ROBO2: variants seen among roughly 807,000 people sequenced by gnomAD.
ROBO2 encodes the protein roundabout homolog 2.
In ROBO2, 53 loss-of-function variants were observed where a neutral mutation model predicts 160.8. The ratio of observed to expected loss-of-function variants is 0.33; its 90% confidence interval spans 0.26 to 0.41. The LOEUF (loss-of-function observed/expected upper bound fraction) is 0.41. ROBO2 is among the 10% of genes least tolerant of loss of function. The probability of loss-of-function intolerance (pLI) is 1.00; values close to 1 mark genes in which losing one functional copy is unlikely to be tolerated. For missense variants in ROBO2, 1,577 were observed against 1,722.4 expected, an observed-to-expected ratio of 0.92 and a Z score of 1.49; for synonymous variants, 664 against 611.7, an observed-to-expected ratio of 1.09 and a Z score of -1.26.
chr3:76,170,891 A>C lies in ROBO2; in HGVS notation c.109+233289A>C, dbSNP rs2073015143. ...GAACAATTAGTATGTGGCTATTCTA[A>C]AATTAAATGTTCTACACTAATACAG... On this transcript the variant is annotated intron_variant, in intron 2 of 26. Transcript: ENST00000487694. Among the ~76,000 whole-genome samples the C allele has an allele frequency of 3.3e-5, 5 of 152,292 alleles. No homozygotes were observed. In the South Asian group the frequency reaches 6.2e-4, roughly 19 times the overall value.
rs147082633 is a variant in ROBO2 at position 76,195,639 on chromosome 3, G to T, written c.109+258037G>T. ...TAATAGGCACATAAAGGATGAAGGG[G>T]ATGCTTAGTAGATACACACATGAAA... On this transcript the variant is annotated intron_variant, in intron 2 of 26. Coordinates refer to the ROBO2 transcript ENST00000487694. Among the ~76,000 whole-genome samples, 646 of 152,244 alleles carry T rather than the reference G, an allele frequency of 4.2e-3. 3 individuals are homozygous for T. The highest frequency in any genetic ancestry group is 0.015 in the African/African-American group (619 of 41,542).
intron 7 of ROBO2, among the ~76,000 whole-genome samples, chr3:77,546,805 A>G (rs545706091): frequency 6.6e-6 from 1 of 152,222 alleles, no homozygotes; most frequent in South Asian, 2.1e-4. Flanking sequence ...GTGGTGTGAT[A>G]GAGTCAGGAC....
chr3:76,355,231 T>A (rs2075093323), intron 2 of ROBO2, among the ~76,000 whole-genome samples: 1 of 151,826 alleles, frequency 6.6e-6, no homozygotes, highest in Non-Finnish European at 1.5e-5. Flanking sequence ...GCAGATAATG[T>A]ATCTTCTGTT....
chr3:76,454,764 G>A lies in ROBO2; in HGVS notation c.109+517162G>A, dbSNP rs186891212. Among the ~76,000 whole-genome samples the A allele has an allele frequency of 1.3e-3, 200 of 152,134 alleles. 3 individuals are homozygous for A. Among genetic ancestry groups the A allele is most frequent in the Middle Eastern group, 6.8e-3 (2 of 294 alleles). On this transcript the variant is annotated intron_variant, in intron 2 of 26. Transcript: ENST00000487694. Reference sequence around the variant, plus strand: ...AAAAAGCCTTTTATCACTATGACAAGAGATGATCAACAATTTAGGAATATC... The same window carrying A: ...AAAAAGCCTTTTATCACTATGACAAAAGATGATCAACAATTTAGGAATATC...
chr3:76,520,106 C>T (rs1199385395), intron 2 of ROBO2, among the ~76,000 whole-genome samples: 6 of 152,128 alleles, frequency 3.9e-5, no homozygotes, highest in African/African-American at 1.2e-4. Flanking sequence ...TTCTCTATTA[C>T]ACGTTCCAAT....
At chr3:76,770,445 G>GCA (rs2061830568) in intron 2 of ROBO2, among the ~76,000 whole-genome samples, 1 of 151,100 alleles carries the variant, frequency 6.6e-6, no homozygotes, top group African/African-American at 2.4e-5. Context: ...GAAACACCTG[G>GCA]CACACTTCCA....
chr3:76,711,920 A>ATCTCTAACATGGCATTAATTCATT (rs1202627373), intron 2 of ROBO2, among the ~76,000 whole-genome samples: 7 of 152,196 alleles, frequency 4.6e-5, no homozygotes, highest in Non-Finnish European at 8.8e-5. Flanking sequence ...CCTTGTTCAT[A>ATCTCTAACATGGCATTAATTCATT]TCTCTAACAT....
At chr3:76,176,274 T>A (rs2073227698) in intron 2 of ROBO2, among the ~76,000 whole-genome samples, 1 of 152,152 alleles carries the variant, frequency 6.6e-6, no homozygotes, top group Non-Finnish European at 1.5e-5. Flanking sequence ...TTGCAATGTG[T>A]TTCATACTCT....
intron 2 of ROBO2, among the ~76,000 whole-genome samples, chr3:76,557,524 T>C (rs949960862): frequency 3.3e-5 from 5 of 151,808 alleles, no homozygotes; most frequent in African/African-American, 1.2e-4. Flanking sequence ...GTTAGTTAAA[T>C]TGTGCCTCAG....
At chr3:76,081,598 A>G (rs1377861229) in intron 2 of ROBO2, among the ~76,000 whole-genome samples, 1 of 152,126 alleles carries the variant, frequency 6.6e-6, no homozygotes, top group Non-Finnish European at 1.5e-5. Flanking sequence ...CACTTTAGAT[A>G]TGTTTCACTT....
intron 14 of ROBO2, among the ~76,000 whole-genome samples, chr3:77,576,437 T>G (rs1431773355): frequency 6.6e-6 from 1 of 152,164 alleles, no homozygotes; most frequent in African/African-American, 2.4e-5. Flanking sequence ...AAGCCATTAA[T>G]ACCACCAAAT....
At chr3:76,419,128 G>A (rs756993588) in intron 2 of ROBO2, among the ~76,000 whole-genome samples, 1 of 152,096 alleles carries the variant, frequency 6.6e-6, no homozygotes, top group Non-Finnish European at 1.5e-5. Flanking sequence ...GTGGGTTAAG[G>A]AGTAAACACA....
chr3:76,622,253 A>AGAAAGAAG (rs2089229399), intron 2 of ROBO2, among the ~76,000 whole-genome samples: 3 of 57,538 alleles, frequency 5.2e-5, no homozygotes, highest in Non-Finnish European at 6.9e-5. Flanking sequence ...AAAGAAAGAA[A>AGAAAGAAG]GAAAGAAAGA....
chr3:76,217,609 C>T (rs559866514), intron 2 of ROBO2, among the ~76,000 whole-genome samples: 1 of 152,180 alleles, frequency 6.6e-6, no homozygotes, highest in East Asian at 1.9e-4. Flanking sequence ...CAAGACTAAA[C>T]CAGGAAGAAG....
At chr3:76,460,768 C>T (rs186139642) in intron 2 of ROBO2, among the ~76,000 whole-genome samples, 22 of 152,240 alleles carry the variant, frequency 1.4e-4, no homozygotes, top group African/African-American at 5.3e-4. Context: ...AGTTTCTGAC[C>T]TGCGCAATAT....
chr3:76,035,501 T>G (rs1289341721), intron 2 of ROBO2, among the ~76,000 whole-genome samples: 3 of 151,918 alleles, frequency 2.0e-5, no homozygotes, highest in African/African-American at 7.3e-5. Context: ...CTAGGCTAGA[T>G]TTTCTCCAGG....
intron 2 of ROBO2, among the ~76,000 whole-genome samples, chr3:77,289,675 G>C (rs545135351): frequency 6.6e-6 from 1 of 151,014 alleles, no homozygotes; most frequent in South Asian, 2.1e-4. Flanking sequence ...GGTTAAATGG[G>C]AAGTTGAGGC....
At chr3:76,607,292 T>C (rs533609988) in intron 2 of ROBO2, among the ~76,000 whole-genome samples, 1 of 152,238 alleles carries the variant, frequency 6.6e-6, no homozygotes, top group African/African-American at 2.4e-5. Flanking sequence ...GCCTCCTGAG[T>C]ATCTGGGGCT....
chr3:76,672,672 A>G (rs1042395325), intron 2 of ROBO2, among the ~76,000 whole-genome samples: 4 of 152,140 alleles, frequency 2.6e-5, no homozygotes, highest in African/African-American at 9.7e-5. Flanking sequence ...CTCAAGCACA[A>G]TGAGCAGCTT....
Sources: allele counts gnomAD v4.1 joint callset (sites outside exome capture counted in the v4.1 genomes callset), GRCh38; gene constraint gnomAD v4.1.1; transcripts MANE v1.5; gene names NCBI Gene and HGNC (gene_info 2026-07-23, HGNC 2026-07-21).